Variants in HDGFL3 observed in about 807,000 individuals in gnomAD.
HDGFL3 encodes HDGF like 3.
A neutral mutation model predicts 27.6 loss-of-function variants in HDGFL3; 6 were observed. The observed-to-expected ratio is 0.22, with a 90% confidence interval of 0.12 to 0.43. The LOEUF is 0.43. Ranked by LOEUF, HDGFL3 falls within the 20% of genes least tolerant of loss-of-function variation. HDGFL3 has a pLI of 1.00. For missense variants in HDGFL3, 207 were observed against 250.1 expected, an observed-to-expected ratio of 0.83 and a Z score of 1.16; for synonymous variants, 88 against 88.9, an observed-to-expected ratio of 0.99 and a Z score of 0.05.
intron 1 of HDGFL3, among the ~76,000 whole-genome samples, chr15:83,199,685 G>A (rs73437324): frequency 0.043 from 6,537 of 152,068 alleles, 391 homozygotes; most frequent in African/African-American, 0.13. Flanking sequence ...GACCCTTTTT[G>A]TATGTTAATG....
intron 1 of HDGFL3, among the ~76,000 whole-genome samples, chr15:83,200,515 G>A (rs545059654): frequency 3.9e-5 from 6 of 152,266 alleles, no homozygotes; most frequent in Non-Finnish European, 7.3e-5. Context: ...ACTTTACTAC[G>A]TTCCCTGCAT....
intron 5 of HDGFL3, among the ~76,000 whole-genome samples, chr15:83,146,777 C>G (rs2036901461): frequency 6.6e-6 from 1 of 152,212 alleles, no homozygotes; most frequent in Admixed American, 6.5e-5. Context: ...TTTAGTATTA[C>G]CTGGCAATTC....
At chr15:83,169,163 A>C (rs2037210628) in intron 1 of HDGFL3, 1 of 436,922 alleles carries the variant, frequency 2.3e-6, no homozygotes, top group African/African-American at 2.0e-5. Flanking sequence ...ATATCATACC[A>C]AACAGGCAAA....
At chr15:83,148,214 C>T (rs1379401617) in intron 5 of HDGFL3, among the ~76,000 whole-genome samples, 1 of 152,168 alleles carries the variant, frequency 6.6e-6, no homozygotes, top group African/African-American at 2.4e-5. Flanking sequence ...AGTTAAAATC[C>T]ATCAACTCAC....
intron 1 of HDGFL3, among the ~76,000 whole-genome samples, chr15:83,175,275 T>A (rs2037294972): frequency 6.6e-6 from 1 of 152,244 alleles, no homozygotes; most frequent in South Asian, 2.1e-4. Context: ...TAACATTACG[T>A]TGGTTCCCTC....
downstream of HDGFL3, chr15:83,122,773 A>G: frequency 1.2e-6 from 2 of 1,613,854 alleles, no homozygotes; most frequent in South Asian, 2.2e-5. Context: ...ATGGAACACG[A>G]ATTTGCCCTG....
chr15:83,140,825 G>A (rs554709835), intron 5 of HDGFL3, among the ~76,000 whole-genome samples: 17 of 152,062 alleles, frequency 1.1e-4, no homozygotes, highest in Non-Finnish European at 2.2e-4. Flanking sequence ...ACTGTGAAAG[G>A]CAATAAATTC....
intron 1 of HDGFL3, among the ~76,000 whole-genome samples, chr15:83,174,256 CTGAG>C (rs997277490): frequency 6.0e-4 from 91 of 152,224 alleles, no homozygotes; most frequent in African/African-American, 2.2e-3. Flanking sequence ...CTCTGATCTT[CTGAG>C]TATTTTCTCG....
chr15:83,127,170 A>C (rs575450538), downstream of HDGFL3, among the ~76,000 whole-genome samples: 1 of 151,906 alleles, frequency 6.6e-6, no homozygotes, highest in Admixed American at 6.6e-5. Context: ...CTCCAGCCTG[A>C]GTGACAGAGT....
rs2036586446 is a variant in HDGFL3 at position 83,136,026 on chromosome 15, CTAAAAA to C, written c.*3238_*3243del. ...AGTGCTTCCCTTTCAATAGTTTATG[CTAAAAA>C]TATTTGTTTTTTAAAACTCTGCGCT... is the stretch of plus-strand genomic sequence containing the variant. On this transcript the variant is annotated 3_prime_UTR_variant, in exon 6 of 6. Coordinates refer to ENST00000299633, the MANE Select transcript of HDGFL3 (RefSeq NM_016073.4). 1 of 152,824 alleles carries C rather than the reference CTAAAAA, an allele frequency of 6.5e-6. No homozygotes were observed. The highest frequency in any genetic ancestry group is 2.4e-5 in the African/African-American group (1 of 41,470). 9.5% of individuals were successfully genotyped at this position (152,824 alleles called of 1,614,324 possible). A position where few individuals can be genotyped will look rare whatever the true frequency, so the allele number is the denominator to read the frequency against.
chr15:83,207,012 C>G lies in HDGFL3; in HGVS notation c.84+319G>C, dbSNP rs541269310. ...CCCTGCCCGGAGCCGAAGCCTCCGT[C>G]GCAGGCCCGCTGCCCGGCGGCGTGG... On this transcript the variant is annotated intron_variant, in intron 1 of 5. Transcript: ENST00000299633. This position sits in a 1 kb window ranked among gnomAD's most constrained non-coding sequence, Gnocchi z 4.8. Among the ~76,000 whole-genome samples the G allele has an allele frequency of 2.0e-5, 3 of 152,336 alleles. No homozygotes were observed. The East Asian group carries it at 5.8e-4, about 29-fold the overall frequency.
At chr15:83,203,360 G>C (rs966203944) in intron 1 of HDGFL3, among the ~76,000 whole-genome samples, 2 of 151,934 alleles carry the variant, frequency 1.3e-5, no homozygotes, top group Non-Finnish European at 2.9e-5. Context: ...ACTATTAATA[G>C]TATTCTTATT....
intron 5 of HDGFL3, among the ~76,000 whole-genome samples, chr15:83,146,277 GTTA>G (rs1207066122): frequency 6.6e-6 from 1 of 152,032 alleles, no homozygotes; most frequent in African/African-American, 2.4e-5. Context: ...GGCATTTTAG[GTTA>G]TTATTAAGAA....
chr15:83,183,314 G>T (rs996036916), intron 1 of HDGFL3, among the ~76,000 whole-genome samples: 1 of 151,882 alleles, frequency 6.6e-6, no homozygotes, highest in African/African-American at 2.4e-5. Flanking sequence ...GCCTGCCCCA[G>T]AAAAAAGTGT....
chr15:83,113,980 C>A (rs567490463), exon 4 of HDGFL3: 2 of 152,380 alleles, frequency 1.3e-5, no homozygotes, highest in African/African-American at 4.8e-5. Context: ...TCCCAATCCA[C>A]ATATAAGAAG....
intron 1 of HDGFL3, among the ~76,000 whole-genome samples, chr15:83,187,867 AC>A (rs1341695583): frequency 1.3e-5 from 2 of 150,604 alleles, no homozygotes; most frequent in Non-Finnish European, 3.0e-5. Context: ...GGCCTGGGCA[AC>A]AAGAGCGAAA....
intron 1 of HDGFL3, among the ~76,000 whole-genome samples, chr15:83,195,387 T>C (rs367882065): frequency 1.4e-4 from 22 of 152,248 alleles, no homozygotes; most frequent in African/African-American, 4.6e-4. Context: ...CTAAATGTAA[T>C]AGTCTGATCA....
chr15:83,143,999 T>C (rs2036838761), intron 5 of HDGFL3, among the ~76,000 whole-genome samples: 1 of 152,146 alleles, frequency 6.6e-6, no homozygotes, highest in Non-Finnish European at 1.5e-5. Context: ...AATTACAAAT[T>C]TTAAGTCCCA....
At chr15:83,150,843 A>G (rs2036954923) in intron 5 of HDGFL3, among the ~76,000 whole-genome samples, 1 of 152,248 alleles carries the variant, frequency 6.6e-6, no homozygotes, top group South Asian at 2.1e-4. Flanking sequence ...AAGAAGCAGC[A>G]GTATGTAATA....
Sources: allele counts gnomAD v4.1 joint callset (sites outside exome capture counted in the v4.1 genomes callset), GRCh38; gene constraint gnomAD v4.1.1; non-coding constraint Gnocchi (gnomAD v3.1); transcripts MANE v1.5; gene names NCBI Gene and HGNC (gene_info 2026-07-23, HGNC 2026-07-21).